ZBTB44: variants seen among roughly 807,000 people sequenced by gnomAD.
ZBTB44 encodes the protein zinc finger and BTB domain-containing protein 44.
Under a neutral mutation model 54.0 loss-of-function variants are expected in ZBTB44, and 15 were observed. The ratio of observed to expected loss-of-function variants is 0.28; its 90% CI spans 0.19 to 0.43. The LOEUF (loss-of-function observed/expected upper bound fraction) is 0.43. ZBTB44 is among the 20% of genes least tolerant of loss of function. The probability of loss-of-function intolerance (pLI) is 1.00; values close to 1 mark genes in which losing one functional copy is unlikely to be tolerated. For missense variants in ZBTB44, 487 were observed against 707.1 expected (o/e 0.69, Z 3.53); for synonymous variants, 230 against 250.1 (o/e 0.92, Z 0.76).
chr11:130,254,461 GAC>G (rs1938277965), intron 2 of ZBTB44, among the ~76,000 whole-genome samples: 1 of 152,190 alleles, frequency 6.6e-6, no homozygotes, highest in Admixed American at 6.5e-5. Context: ...GTAGCCAAAA[GAC>G]ACATGAAAAA....
At chr11:130,240,241 T>C (rs1051003073) in intron 2 of ZBTB44, among the ~76,000 whole-genome samples, 19 of 151,994 alleles carry the variant, frequency 1.3e-4, no homozygotes, top group African/African-American at 4.3e-4. Context: ...AGGGTTTCAC[T>C]GTGTTAGCCA....
At chr11:130,238,327 T>C in intron 4 of ZBTB44, 117 bp downstream of exon 4, 1 of 1,295,226 alleles carries the variant, frequency 7.7e-7, no homozygotes, top group Non-Finnish European at 1.0e-6. Flanking sequence ...TGTTTTCATT[T>C]GACTTCCCAG....
chr11:130,246,102 A>G (rs556354569), intron 2 of ZBTB44, among the ~76,000 whole-genome samples: 23 of 152,332 alleles, frequency 1.5e-4, no homozygotes, highest in African/African-American at 5.5e-4. Context: ...TTGGAATTCT[A>G]TGTATACTGT....
At chr11:130,307,140 G>A (rs1171352647) in intron 1 of ZBTB44, among the ~76,000 whole-genome samples, 1 of 151,498 alleles carries the variant, frequency 6.6e-6, no homozygotes, top group Non-Finnish European at 1.5e-5. Context: ...ACATTCTACT[G>A]TAGCCCGGGT....
intron 2 of ZBTB44, among the ~76,000 whole-genome samples, chr11:130,255,197 CAT>C (rs1938337989): frequency 6.6e-6 from 1 of 152,144 alleles, no homozygotes; most frequent in Non-Finnish European, 1.5e-5. Flanking sequence ...ACGTTGTGCA[CAT>C]GTTCCCTAGA....
At chr11:130,277,454 T>C (rs548891607) in intron 1 of ZBTB44, among the ~76,000 whole-genome samples, 1 of 151,716 alleles carries the variant, frequency 6.6e-6, no homozygotes, top group Non-Finnish European at 1.5e-5. Context: ...AAACACAATA[T>C]GTGGTCATGA....
In ZBTB44 at chr11:130,298,253, C is replaced by T. The variant is rs1042869000; in HGVS notation, c.-57+16122G>A. 5.3e-5 allele frequency among the ~76,000 whole-genome samples: 8 copies of T among 151,944 alleles called. No homozygotes were observed. In the South Asian group the frequency reaches 1.7e-3, roughly 32 times the overall value. On this transcript the variant is annotated intron_variant, in intron 1 of 7. Transcript: ENST00000357899. ...GACCTCCCGAACTCAAGCAATCCTC[C>T]CACCTTAGCTTCCTGAATAGCTGGG... is the stretch of plus-strand genomic sequence containing the variant.
chr11:130,260,014 T>A (rs1293974967), intron 2 of ZBTB44, among the ~76,000 whole-genome samples: 2 of 147,982 alleles, frequency 1.4e-5, no homozygotes, highest in Non-Finnish European at 2.9e-5. Context: ...TCTAAAAAGA[T>A]AAATAAATAA....
chr11:130,244,584 G>A (rs1329771450), intron 2 of ZBTB44, among the ~76,000 whole-genome samples: 5 of 150,694 alleles, frequency 3.3e-5, no homozygotes, highest in East Asian at 2.0e-4. Context: ...GGAGAATGGC[G>A]TGAACATGGG....
chr11:130,237,192 T>C, intron 4 of ZBTB44, 99 bp from the exon 5 acceptor site: 1 of 1,198,448 alleles, frequency 8.3e-7, no homozygotes, highest in Non-Finnish European at 1.1e-6. Flanking sequence ...CAACAGATCA[T>C]CTGAAAAGGC....
chr11:130,304,167 T>C (rs1446866924), intron 1 of ZBTB44, among the ~76,000 whole-genome samples: 1 of 152,194 alleles, frequency 6.6e-6, no homozygotes, highest in Admixed American at 6.5e-5. Flanking sequence ...GTATTTCTAC[T>C]ATAAAGAACA....
intron 1 of ZBTB44, 32 bp downstream of exon 1, chr11:130,314,343 G>T (rs1028814639): frequency 2.0e-5 from 3 of 152,898 alleles, no homozygotes; most frequent in African/African-American, 7.2e-5. Context: ...CGTCCCCCGC[G>T]CGACCGGAGC....
intron 2 of ZBTB44, among the ~76,000 whole-genome samples, chr11:130,246,143 T>C (rs1388773651): frequency 2.0e-5 from 3 of 152,240 alleles, no homozygotes; most frequent in Non-Finnish European, 4.4e-5. Flanking sequence ...ATATCACTTA[T>C]GCAACTATCA....
At position 130,296,917 on chromosome 11, in the gene ZBTB44, T is replaced by G. The variant is rs904375996; in HGVS notation, c.-57+17458A>C. ...GTGCCTGCCTTTGTTGATCTGAATG[T>G]CAATGGCAATGAAGGCAAGCAGAAA... On this transcript the variant is annotated intron_variant, in intron 1 of 7. Transcript: ENST00000357899. The G allele has an allele frequency of 2.6e-5, 19 of 733,050 alleles. No homozygotes were observed. In the African/African-American group the frequency reaches 3.2e-4, roughly 12 times the overall value. 45.4% of individuals were successfully genotyped at this position (733,050 alleles called of 1,614,324 possible). A position where few individuals can be genotyped will look rare whatever the true frequency, so the allele number is the denominator to read the frequency against.
In ZBTB44 at chr11:130,261,122, G is replaced by A. The variant is rs371489763; in HGVS notation, c.752C>T (p.Thr251Ile). 1.2e-6 allele frequency: 2 copies of A among 1,613,944 alleles called. No homozygotes were observed. The highest frequency in any genetic ancestry group is 8.5e-7 in the Non-Finnish European group (1 of 1,179,892). ...QPEKVKQAENTRTLELPGPSE... is the reference protein window; with the variant it reads ...QPEKVKQAENIRTLELPGPSE... Reference sequence around the variant, plus strand: ...TGGGCCAGGTAATTCTAAAGTCCGGGTATTTTCTGCTTGCTTAACTTTCTC... The same window carrying A: ...TGGGCCAGGTAATTCTAAAGTCCGGATATTTTCTGCTTGCTTAACTTTCTC... Residue 251 changes from threonine (T) to isoleucine (I), a missense_variant, in exon 2 of 8, where the codon ACC (threonine) becomes ATC (isoleucine). Thr to Ile is a moderately conservative substitution (Grantham distance 89). Transcript: ENST00000357899. This position sits in a 1 kb window ranked among gnomAD's most constrained non-coding sequence, Gnocchi z 4.8.
At chr11:130,290,919 T>A (rs1313143635) in intron 1 of ZBTB44, among the ~76,000 whole-genome samples, 1 of 152,166 alleles carries the variant, frequency 6.6e-6, no homozygotes, top group African/African-American at 2.4e-5. Context: ...CTATTATGCT[T>A]TTAGATACTT....
chr11:130,259,016 C>A (rs1254713512), intron 2 of ZBTB44, among the ~76,000 whole-genome samples: 2 of 152,116 alleles, frequency 1.3e-5, no homozygotes, highest in Non-Finnish European at 2.9e-5. Flanking sequence ...ATATAACTTA[C>A]AAGGGATGTG....
intron 1 of ZBTB44, among the ~76,000 whole-genome samples, chr11:130,272,951 T>C (rs1020585492): frequency 1.3e-5 from 2 of 152,192 alleles, no homozygotes. Flanking sequence ...TTAATTACTG[T>C]TGTTTTGCAG....
chr11:130,299,733 A>G (rs529529589), intron 1 of ZBTB44, among the ~76,000 whole-genome samples: 3 of 152,190 alleles, frequency 2.0e-5, no homozygotes, highest in Non-Finnish European at 4.4e-5. Context: ...CATAGCCACT[A>G]TAGAAAACAG....
Sources: gnomAD v4.1 joint callset for allele counts (sites outside exome capture counted in the v4.1 genomes callset) on GRCh38, gnomAD v4.1.1 for gene constraint, Gnocchi (gnomAD v3.1) non-coding constraint, MANE v1.5 for transcripts, NCBI Gene and HGNC (gene_info 2026-07-23, HGNC 2026-07-21) for gene names.